Variants in NOS1 observed in about 807,000 individuals in gnomAD.
NOS1 encodes the protein nitric oxide synthase 1.
NOS1 carries 51 observed loss-of-function variants against 164.5 expected under a neutral mutation model. That is an observed-to-expected ratio of 0.31 (90% CI 0.25 to 0.39). The LOEUF (loss-of-function observed/expected upper bound fraction) is 0.39. NOS1 is among the 10% of genes least tolerant of loss of function. The probability of loss-of-function intolerance (pLI) is 1.00; values close to 1 mark genes in which losing one functional copy is unlikely to be tolerated. For synonymous variants in NOS1, 719 were observed against 745.8 expected (o/e 0.96, Z 0.59); for missense variants, 1,362 against 1,885.6 (o/e 0.72, Z 5.14).
intron 13 of NOS1, among the ~76,000 whole-genome samples, chr12:117,262,891 C>T (rs966849602): frequency 6.6e-6 from 1 of 152,080 alleles, no homozygotes; most frequent in Non-Finnish European, 1.5e-5. Flanking sequence ...TAGTCTCAGG[C>T]CATAACCCCC....
chr12:117,361,217 C>T (rs1004196273), intron 1 of NOS1, among the ~76,000 whole-genome samples: 3 of 151,954 alleles, frequency 2.0e-5, no homozygotes, highest in South Asian at 2.1e-4. Context: ...CCCGGGCGCC[C>T]GCGGCCGCCG....
At chr12:117,329,529 T>C (rs1875422554) in intron 2 of NOS1, among the ~76,000 whole-genome samples, 1 of 151,686 alleles carries the variant, frequency 6.6e-6, no homozygotes, top group Admixed American at 6.6e-5. Context: ...AAGATGCAAA[T>C]GGAAGGGGGA....
At chr12:117,357,788 C>A (rs1039415825) in intron 1 of NOS1, among the ~76,000 whole-genome samples, 2 of 152,148 alleles carry the variant, frequency 1.3e-5, no homozygotes, top group Admixed American at 1.3e-4. Context: ...TGATGTTTGG[C>A]GTTCGCTGGA....
In NOS1 at chr12:117,213,286, G is replaced by T. The variant is rs536319412; in HGVS notation, c.*2023C>A. 2.9e-5 allele frequency: 29 copies of T among 985,394 alleles called. No homozygotes were observed. Among genetic ancestry groups the T allele is most frequent in the African/African-American group, 3.5e-5 (2 of 57,256 alleles). 61.0% of individuals were successfully genotyped at this position (985,394 alleles called of 1,614,324 possible). ...AAAGGATTGGAAAGAAAGCCTTTGGGAGGAAAGCTACTAGGAGCTGGAAAT... is the reference window on the plus strand; with the variant it reads ...AAAGGATTGGAAAGAAAGCCTTTGGTAGGAAAGCTACTAGGAGCTGGAAAT... On this transcript the variant is annotated 3_prime_UTR_variant, in exon 29 of 29. Coordinates refer to ENST00000317775, the MANE Select transcript of NOS1 (RefSeq NM_000620.5).
chr12:117,349,077 TA>T (rs890412037), intron 1 of NOS1, among the ~76,000 whole-genome samples: 2 of 152,232 alleles, frequency 1.3e-5, no homozygotes, highest in African/African-American at 4.8e-5. Flanking sequence ...TACTTCAAAA[TA>T]AAAGTTTTTC....
At chr12:117,305,329 T>C (rs1874080013) in intron 3 of NOS1, among the ~76,000 whole-genome samples, 1 of 151,818 alleles carries the variant, frequency 6.6e-6, no homozygotes. Flanking sequence ...CCGGACGTGG[T>C]GGTGGGCGCC....
chr12:117,352,672 A>G (rs1045341309), intron 1 of NOS1, among the ~76,000 whole-genome samples: 3 of 152,238 alleles, frequency 2.0e-5, no homozygotes, highest in Admixed American at 1.3e-4. Context: ...AAACAGTGAC[A>G]TTCTGCTAAA....
At chr12:117,228,365 G>C (rs966811669) in intron 22 of NOS1, among the ~76,000 whole-genome samples, 1 of 152,178 alleles carries the variant, frequency 6.6e-6, no homozygotes, top group African/African-American at 2.4e-5. Flanking sequence ...ACACACTCCT[G>C]AAGTCAAGAG....
At chr12:117,326,393 A>C (rs1875250321) in intron 2 of NOS1, among the ~76,000 whole-genome samples, 1 of 8,018 alleles carries the variant, frequency 1.2e-4, no homozygotes, top group South Asian at 6.4e-3. Flanking sequence ...CTCAAAAAAA[A>C]AAAAAAAACA....
chr12:117,238,429 T>C (rs1382730314), intron 20 of NOS1, among the ~76,000 whole-genome samples: 1 of 152,136 alleles, frequency 6.6e-6, no homozygotes, highest in Non-Finnish European at 1.5e-5. Flanking sequence ...CAGGCATCTA[T>C]AAACCCCCCT....
intron 4 of NOS1, 90 bp from the exon 5 acceptor site, chr12:117,288,309 G>A: frequency 1.6e-6 from 2 of 1,252,016 alleles, no homozygotes; most frequent in Non-Finnish European, 1.1e-6. Context: ...ACTCATGGTT[G>A]AGTTTATCTG....
chr12:117,225,204 AGGTAGACCAGGTGGCCATCTTC>A, intron 24 of NOS1, 67 bp from the exon 25 acceptor site: 1 of 1,543,284 alleles, frequency 6.5e-7, no homozygotes, highest in Non-Finnish European at 8.7e-7. Context: ...ATTGAATCTT[AGGTAGACCAGGTGGCCATCTTC>A]GGTAGACATA....
At chr12:117,303,623 T>C (rs982513572) in intron 3 of NOS1, among the ~76,000 whole-genome samples, 2 of 152,130 alleles carry the variant, frequency 1.3e-5, no homozygotes, top group African/African-American at 4.8e-5. Flanking sequence ...CACTCGAACC[T>C]CGTACTAAGG....
chr12:117,252,852 T>C (rs1301313482), intron 17 of NOS1, among the ~76,000 whole-genome samples: 1 of 152,204 alleles, frequency 6.6e-6, no homozygotes, highest in East Asian at 1.9e-4. Flanking sequence ...TTAGCGAAGG[T>C]CTGAGAGATT....
intron 3 of NOS1, among the ~76,000 whole-genome samples, chr12:117,303,963 G>C (rs1873987235): frequency 6.6e-6 from 1 of 152,158 alleles, no homozygotes; most frequent in Non-Finnish European, 1.5e-5. Flanking sequence ...ACAAGGTCAG[G>C]AGATTGAGAC....
intron 3 of NOS1, chr12:117,305,161 G>A: frequency 6.3e-6 from 5 of 797,544 alleles, no homozygotes; most frequent in Non-Finnish European, 7.6e-6. Flanking sequence ...GTTACAACTG[G>A]AAGGATAGAA....
At chr12:117,347,507 C>G (rs1215715026) in intron 1 of NOS1, among the ~76,000 whole-genome samples, 1 of 152,108 alleles carries the variant, frequency 6.6e-6, no homozygotes, top group African/African-American at 2.4e-5. Context: ...CCTGTGGCCC[C>G]CGTCATTCAT....
At chr12:117,355,817 C>T (rs1208803938) in intron 1 of NOS1, among the ~76,000 whole-genome samples, 4 of 152,242 alleles carry the variant, frequency 2.6e-5, no homozygotes, top group East Asian at 3.9e-4. Flanking sequence ...TGGAGTGCAG[C>T]GGCACAATCT....
chr12:117,341,282 A>C (rs542781226), intron 1 of NOS1, among the ~76,000 whole-genome samples: 1 of 152,248 alleles, frequency 6.6e-6, no homozygotes, highest in Non-Finnish European at 1.5e-5. Context: ...GGAATGCTGC[A>C]AAAGCAGGAT....
Sources: allele counts gnomAD v4.1 joint callset (sites outside exome capture counted in the v4.1 genomes callset), GRCh38; gene constraint gnomAD v4.1.1; transcripts MANE v1.5; gene names NCBI Gene and HGNC (gene_info 2026-07-23, HGNC 2026-07-21).